Variants in ZNF567 observed in about 807,000 individuals in gnomAD.
ZNF567 encodes the protein zinc finger protein 567.
A neutral mutation model predicts 53.9 loss-of-function variants in ZNF567; 36 were observed. That is an observed-to-expected ratio of 0.67 (90% confidence interval 0.51 to 0.88). The LOEUF (loss-of-function observed/expected upper bound fraction) is 0.88. ZNF567 is among the 40% of genes least tolerant of loss of function. The pLI is 0.00. For synonymous variants in ZNF567, 224 were observed against 260.4 expected, an observed-to-expected ratio of 0.86 and a Z score of 1.35; for missense variants, 619 against 764.7, an observed-to-expected ratio of 0.81 and a Z score of 2.25.
chr19:36,719,707 A>T lies in ZNF567; in HGVS notation c.983A>T (p.Gln328Leu), dbSNP rs2145918403. ...FRLKTALTDH[Q>L]RTHTGEKSYE... The stretch of plus-strand genomic sequence containing the variant: ...CTCAAGACAGCCCTCACTGATCATC[A>T]GAGAACACACACAGGGGAGAAATCG... The change falls in exon 6 of 6, where the codon CAG (glutamine) becomes CTG (leucine). Residue 328 changes from glutamine (Q) to leucine (L), a missense_variant. Transcript: ENST00000682579. 1 of 1,614,168 alleles carries T rather than the reference A, an allele frequency of 6.2e-7. No homozygotes were observed. The highest frequency in any genetic ancestry group is 8.5e-7 in the Non-Finnish European group (1 of 1,180,026).
chr19:36,720,864 A>G lies in ZNF567; in HGVS notation c.*196A>G. On this transcript the variant is annotated 3_prime_UTR_variant, in exon 6 of 6. Transcript: ENST00000682579. Reference sequence around the variant, plus strand: ...TCATTATTATTGAACTCTATCAGCTATGAAGCTAAATTTTAAAGTCAACTG... The same window carrying G: ...TCATTATTATTGAACTCTATCAGCTGTGAAGCTAAATTTTAAAGTCAACTG... 4 of 419,458 alleles carry G rather than the reference A, an allele frequency of 9.5e-6. No individual in the cohort carries two copies. The highest frequency in any genetic ancestry group is 1.6e-5 in the Non-Finnish European group (4 of 251,338). 26.0% of individuals were successfully genotyped at this position (419,458 alleles called of 1,614,324 possible).
chr19:36,679,397 C>T, the ZNF567 span, among the ~76,000 whole-genome samples: 8 of 152,238 alleles, frequency 5.3e-5, no homozygotes, highest in East Asian at 1.9e-4. Flanking sequence ...AACACTGTTG[C>T]GAGCACTGTA....
chr19:36,695,419 G>T (rs1217622784), intron 3 of ZNF567, among the ~76,000 whole-genome samples: 5 of 151,808 alleles, frequency 3.3e-5, no homozygotes, highest in Non-Finnish European at 5.9e-5. Context: ...ATCCCAGCCA[G>T]TTGGGAGGCT....
the ZNF567 span, among the ~76,000 whole-genome samples, chr19:36,675,494 G>T: frequency 6.6e-6 from 1 of 152,072 alleles, no homozygotes; most frequent in Admixed American, 6.6e-5. Flanking sequence ...TCAACATCGT[G>T]AAACCCTGTC....
intron 5 of ZNF567, among the ~76,000 whole-genome samples, chr19:36,715,910 A>G (rs944569534): frequency 3.9e-5 from 6 of 152,140 alleles, no homozygotes; most frequent in African/African-American, 1.4e-4. Context: ...TCTCTTCACA[A>G]TTTGTAATAT....
At chr19:36,675,927 G>C in the ZNF567 span, among the ~76,000 whole-genome samples, 1 of 151,962 alleles carries the variant, frequency 6.6e-6, no homozygotes, top group Non-Finnish European at 1.5e-5. Flanking sequence ...CTATTTGTAT[G>C]TATATGTACA....
chr19:36,719,309 A>G lies in ZNF567; in HGVS notation c.585A>G (p.Glu195=). 1 of 1,613,722 alleles carries G rather than the reference A, an allele frequency of 6.2e-7. No individual in the cohort carries two copies. Among genetic ancestry groups the G allele is most frequent in the East Asian group, 2.2e-5 (1 of 44,856 alleles). ...NQSARAFSHN[E]VLMQYQKTET... ...GTGCCAGAGCTTTCAGTCATAATGA[A>G]GTTCTTATGCAGTATCAGAAAACGG... The change falls in exon 6 of 6, where the codon GAA becomes GAG. Residue 195 remains glutamate (E), a synonymous_variant. Transcript: ENST00000682579.
chr19:36,702,909 C>T (rs1426122132), intron 3 of ZNF567, among the ~76,000 whole-genome samples: 1 of 152,146 alleles, frequency 6.6e-6, no homozygotes. Flanking sequence ...TCATCTGAAG[C>T]CTTCTTCTCT....
chr19:36,708,802 T>TG (rs1307787173), intron 3 of ZNF567, among the ~76,000 whole-genome samples: 1 of 152,214 alleles, frequency 6.6e-6, no homozygotes, highest in Non-Finnish European at 1.5e-5. Flanking sequence ...AACCCGTTCT[T>TG]GCTTATCTGT....
Position 36,701,551 on chromosome 19 carries a change from T to C in ZNF567, c.9+6675T>C, listed in dbSNP as rs566911729. On this transcript the variant is annotated intron_variant, in intron 3 of 5. Coordinates refer to ENST00000682579, the MANE Select transcript of ZNF567 (RefSeq NM_001322917.1). The stretch of plus-strand genomic sequence containing the variant: ...TAAAGTCTCTCCCATTATTATTGTG[T>C]GGGAGTCTAAGTCTCTTTCTAGGTC... Among the ~76,000 whole-genome samples, 3 of 152,280 alleles carry C rather than the reference T, an allele frequency of 2.0e-5. No individual in the cohort carries two copies. The South Asian group carries it at 6.2e-4, about 32-fold the overall frequency.
At chr19:36,681,526 C>T in the ZNF567 span, among the ~76,000 whole-genome samples, 1 of 152,060 alleles carries the variant, frequency 6.6e-6, no homozygotes, top group Non-Finnish European at 1.5e-5. Context: ...ACTTCCAGGG[C>T]TCAAGTGATT....
At chr19:36,680,119 A>G in the ZNF567 span, among the ~76,000 whole-genome samples, 1 of 152,238 alleles carries the variant, frequency 6.6e-6, no homozygotes, top group African/African-American at 2.4e-5. Context: ...GTACAAATAT[A>G]TACATCAATA....
the ZNF567 span, among the ~76,000 whole-genome samples, chr19:36,680,698 C>T: frequency 4.6e-5 from 7 of 152,290 alleles, no homozygotes; most frequent in East Asian, 1.9e-4. Flanking sequence ...AGGGCTGGAG[C>T]GCTCCTAGAG....
At chr19:36,700,473 G>T (rs1168120191) in intron 3 of ZNF567, among the ~76,000 whole-genome samples, 150 of 150,560 alleles carry the variant, frequency 1.0e-3, no homozygotes, top group Admixed American at 1.9e-3. Flanking sequence ...TTTTTCTATT[G>T]ATTGGAATAG....
At chr19:36,679,821 G>C in the ZNF567 span, among the ~76,000 whole-genome samples, 2 of 152,140 alleles carry the variant, frequency 1.3e-5, no homozygotes, top group African/African-American at 4.8e-5. Context: ...CCAAAGGTTG[G>C]GGGGTGGGGA....
the ZNF567 span, among the ~76,000 whole-genome samples, chr19:36,681,090 T>A: frequency 2.6e-5 from 4 of 152,198 alleles, no homozygotes; most frequent in Non-Finnish European, 5.9e-5. Context: ...TTATATTTTT[T>A]AATTTTTGTC....
intron 3 of ZNF567, among the ~76,000 whole-genome samples, chr19:36,702,472 G>T (rs895886635): frequency 6.6e-6 from 1 of 151,974 alleles, no homozygotes; most frequent in Non-Finnish European, 1.5e-5. Flanking sequence ...ATGTTGGCCT[G>T]CCTTGCTAGA....
At chr19:36,673,179 A>G in the ZNF567 span, among the ~76,000 whole-genome samples, 1 of 152,192 alleles carries the variant, frequency 6.6e-6, no homozygotes, top group African/African-American at 2.4e-5. Context: ...AGTGTTAGTT[A>G]TTTTTGGTTT....
intron 5 of ZNF567, among the ~76,000 whole-genome samples, chr19:36,714,757 A>G (rs1051432561): frequency 6.6e-6 from 1 of 152,208 alleles, no homozygotes; most frequent in South Asian, 2.1e-4. Context: ...TAAGTGAAAT[A>G]ACACTAATTC....
Sources: gnomAD v4.1 joint callset for allele counts (sites outside exome capture counted in the v4.1 genomes callset) on GRCh38, gnomAD v4.1.1 for gene constraint, MANE v1.5 for transcripts, NCBI Gene and HGNC (gene_info 2026-07-23, HGNC 2026-07-21) for gene names.